Variants in ZNF213 observed in about 807,000 individuals in gnomAD.
ZNF213 encodes zinc finger protein 213.
Under a neutral mutation model 46.0 loss-of-function variants are expected in ZNF213, and 32 were observed. The observed-to-expected ratio is 0.70, with a 90% CI of 0.52 to 0.93. ZNF213 has a LOEUF of 0.93. Among genes scored for constraint, ZNF213 ranks in the 40% least tolerant of loss-of-function variants. The probability of loss-of-function intolerance (pLI) is 0.00; values close to 1 mark genes in which losing one functional copy is unlikely to be tolerated. For synonymous variants in ZNF213, 297 were observed against 271.0 expected (o/e 1.10, Z -0.94); for missense variants, 639 against 652.8 (o/e 0.98, Z 0.23).
chr16:3,137,802 G>A, intron 2 of ZNF213, 123 bp downstream of exon 2: 4 of 1,244,724 alleles, frequency 3.2e-6, no homozygotes. Context: ...GCCCCCAGGA[G>A]CAGGCACACA....
chr16:3,140,823 C>T lies in ZNF213; in HGVS notation c.856C>T (p.Pro286Ser). 1.3e-6 allele frequency: 2 copies of T among 1,592,470 alleles called. No individual in the cohort carries two copies. The highest frequency in any genetic ancestry group is 1.8e-4 in the Middle Eastern group (1 of 5,414). The change falls in exon 6 of 6, where the codon CCG becomes TCG. Residue 286 changes from proline (P) to serine (S), a missense_variant. By Grantham distance (74) the Pro-to-Ser change is moderately conservative (BLOSUM62 -1). Coordinates refer to ENST00000396878, the MANE Select transcript of ZNF213 (RefSeq NM_004220.3). ...TGAGGCCTGGGAGAGCGAGAACCGG[C>T]CGAGGGCGGCCCTGGGCCCAGTGGT... ...EAEAWESENR[P>S]RAALGPVVGA...
At position 3,141,285 on chromosome 16, in the gene ZNF213, C is replaced by A. The variant is rs973214463; in HGVS notation, c.1318C>A (p.Gln440Lys). 6.2e-7 allele frequency: 1 copy of A among 1,610,568 alleles called. No homozygotes were observed. Among genetic ancestry groups the A allele is most frequent in the Non-Finnish European group, 8.5e-7 (1 of 1,179,766 alleles). The change falls in exon 6 of 6, where the codon CAG becomes AAG. Residue 440 changes from glutamine to lysine, a missense_variant. By Grantham distance (53) the Gln-to-Lys change is moderately conservative (BLOSUM62 1). Coordinates refer to ENST00000396878, the MANE Select transcript of ZNF213 (RefSeq NM_004220.3). The stretch of plus-strand genomic sequence containing the variant: ...CGGAGAGTGCGACAAGAGCTTCAAG[C>A]AGCGCGCGCACCTCATCGCGCATCA... Reference protein sequence around the residue: ...GCGECDKSFKQRAHLIAHQSL... With the variant: ...GCGECDKSFKKRAHLIAHQSL...
chr16:3,136,447 G>A (rs1291089194), intron 1 of ZNF213, among the ~76,000 whole-genome samples: 6 of 152,226 alleles, frequency 3.9e-5, no homozygotes, highest in Admixed American at 3.9e-4. Context: ...GCCGGGCGCA[G>A]TGGCTCACGC....
rs1342185188 is a variant in ZNF213 at position 3,140,906 on chromosome 16, C to G, written c.939C>G (p.Ala313=). The change falls in exon 6 of 6, where the codon GCC becomes GCG. Residue 313 remains alanine (A), a synonymous_variant. Transcript: ENST00000396878. ...TRRRQFRDLA[A]EKPHSCGQCG... ...GGCGCCAGTTCCGGGACCTGGCAGCCGAGAAGCCGCACAGCTGCGGGCAGT... is the reference window on the plus strand; with the variant it reads ...GGCGCCAGTTCCGGGACCTGGCAGCGGAGAAGCCGCACAGCTGCGGGCAGT... 9 of 1,585,852 alleles carry G rather than the reference C, an allele frequency of 5.7e-6. No individual in the cohort carries two copies. The highest frequency in any genetic ancestry group is 6.8e-6 in the Non-Finnish European group (8 of 1,168,902).
chr16:3,137,238 GC>G lies in ZNF213; in HGVS notation c.-40del. On this transcript the variant is annotated 5_prime_UTR_variant, in exon 2 of 6. Coordinates refer to ENST00000396878, the MANE Select transcript of ZNF213 (RefSeq NM_004220.3). ...GGAGACTGAAAGTACAGGTTCTGGGGCCCAGGTTGAAGCCGACCAACCCTGA... is the reference window on the plus strand; with the variant it reads ...GGAGACTGAAAGTACAGGTTCTGGGGCCAGGTTGAAGCCGACCAACCCTGA... 1 of 1,531,260 alleles carries G rather than the reference GC, an allele frequency of 6.5e-7. No individual in the cohort carries two copies. The highest frequency in any genetic ancestry group is 8.8e-7 in the Non-Finnish European group (1 of 1,142,540). The allele number at this position is 1,531,260 out of a possible 1,614,324, so 94.9% of individuals were successfully genotyped here. A position where few individuals can be genotyped will look rare whatever the true frequency, so the allele number is the denominator to read the frequency against.
rs114806611 is a variant in ZNF213, at chr16:3,138,791, G to T, written c.570G>T (p.Thr190=). 1.2e-6 allele frequency: 2 copies of T among 1,613,894 alleles called. No individual in the cohort carries two copies. Among genetic ancestry groups the T allele is most frequent in the Non-Finnish European group, 1.7e-6 (2 of 1,179,976 alleles). ...LLKEGRPGET[T]DTCFVSGVHG... ...AAGAGGGTCGTCCCGGAGAGACGAC[G>T]GACACCTGCTTTGTCTCTGGGGTCC... The change falls in exon 4 of 6, where the codon ACG becomes ACT. Residue 190 remains threonine, a synonymous_variant. Transcript: ENST00000396878.
At chr16:3,138,019 C>T (rs764334843) in intron 2 of ZNF213, 1 of 464,248 alleles carries the variant, frequency 2.2e-6, no homozygotes, top group Non-Finnish European at 3.9e-6. Flanking sequence ...AGAGCCAGCT[C>T]CAGAGTGGGG....
intron 5 of ZNF213, 64 bp downstream of exon 5, chr16:3,139,162 G>C (rs774607707): frequency 6.3e-6 from 10 of 1,592,258 alleles, no homozygotes; most frequent in Non-Finnish European, 8.5e-6. Context: ...CTTCAGTCTT[G>C]TTTCCCACCC....
chr16:3,140,529 C>A, intron 5 of ZNF213, 160 bp from the exon 6 acceptor site: 1 of 1,110,738 alleles, frequency 9.0e-7, no homozygotes, highest in Non-Finnish European at 1.2e-6. Flanking sequence ...GGCCAATCAT[C>A]CCTGTTTTAT....
At chr16:3,138,375 G>C (rs779473994) in intron 2 of ZNF213, 43 bp from the exon 3 acceptor site, 2 of 1,610,982 alleles carry the variant, frequency 1.2e-6, no homozygotes, top group Non-Finnish European at 1.7e-6. Context: ...TGTCTCCCCC[G>C]GTCTGGTCTC....
At position 3,141,308 on chromosome 16, in the gene ZNF213, T is replaced by C; in HGVS notation, c.1341T>C (p.His447=). The C allele has an allele frequency of 6.3e-7, 1 of 1,597,480 alleles. No individual in the cohort carries two copies. Among genetic ancestry groups the C allele is most frequent in the African/African-American group, 1.3e-5 (1 of 74,828 alleles). ...AGCAGCGCGCGCACCTCATCGCGCA[T>C]CAGAGCCTGCACGCCAAGATGGCCC... is the stretch of plus-strand genomic sequence containing the variant. ...SFKQRAHLIA[H]QSLHAKMAQP... The change falls in exon 6 of 6, where the codon CAT becomes CAC. Residue 447 remains histidine (H), a synonymous_variant. Coordinates refer to ENST00000396878, the MANE Select transcript of ZNF213 (RefSeq NM_004220.3).
intron 1 of ZNF213, 199 bp downstream of exon 1, chr16:3,135,586 A>G: frequency 6.6e-6 from 1 of 152,212 alleles, no homozygotes; most frequent in Non-Finnish European, 1.5e-5. Context: ...GGAAGCTCAT[A>G]GTGCCGCTAA....
chr16:3,138,869 T>C (rs757436601), intron 4 of ZNF213, 51 bp downstream of exon 4: 5 of 1,613,810 alleles, frequency 3.1e-6, no homozygotes, highest in Non-Finnish European at 4.2e-6. Flanking sequence ...CCTGTTGAGT[T>C]TGTAAAATGG....
At chr16:3,139,381 T>G in intron 5 of ZNF213, 1 of 354,964 alleles carries the variant, frequency 2.8e-6, no homozygotes, top group Non-Finnish European at 5.2e-6. Flanking sequence ...ATTTTACGCA[T>G]AAGGGACCTG....
chr16:3,141,889 C>G lies in ZNF213; in HGVS notation c.*542C>G, dbSNP rs1957608491. The stretch of plus-strand genomic sequence containing the variant: ...GTCACGGCGGCAGGGGCTTTCTGGC[C>G]CCCTCCCACTCCCGTTTCCAGGCCA... On this transcript the variant is annotated 3_prime_UTR_variant, in exon 6 of 6. Transcript: ENST00000396878. The G allele has an allele frequency of 6.4e-6, 1 of 155,210 alleles. No individual in the cohort carries two copies. The highest frequency in any genetic ancestry group is 6.5e-5 in the Admixed American group (1 of 15,502). The allele number at this position is 155,210 out of a possible 1,614,324, so 9.6% of individuals were successfully genotyped here.
chr16:3,140,946 C>T lies in ZNF213; in HGVS notation c.979C>T (p.Arg327Cys), dbSNP rs1177272467. ...CTGCGGGCAGTGTGGAAAGCGCTTC[C>T]GCTGGGGCTCGGACCTGGCGCGGCA... ...HSCGQCGKRF[R>C]WGSDLARHQR... is the part of the protein sequence containing the mutation. The change falls in exon 6 of 6, where the codon CGC (arginine) becomes TGC (cysteine). Residue 327 changes from arginine (R) to cysteine (C), a missense_variant. Physicochemically the swap from Arg to Cys is radical, Grantham distance 180. Transcript: ENST00000396878. 3.7e-6 allele frequency: 6 copies of T among 1,601,396 alleles called. No individual in the cohort carries two copies. Among genetic ancestry groups the T allele is most frequent in the Non-Finnish European group, 5.1e-6 (6 of 1,176,784 alleles).
chr16:3,140,740 C>A lies in ZNF213; in HGVS notation c.773C>A (p.Pro258Gln). The A allele has an allele frequency of 6.5e-7, 1 of 1,539,654 alleles. No individual in the cohort carries two copies. Among genetic ancestry groups the A allele is most frequent in the Non-Finnish European group, 8.7e-7 (1 of 1,150,512 alleles). The change falls in exon 6 of 6, where the codon CCG (proline) becomes CAG (glutamine). Residue 258 changes from proline to glutamine, a missense_variant. By Grantham distance (76) the Pro-to-Gln change is moderately conservative. Transcript: ENST00000396878. ...AAGTCCCTGCTGCAGGAGATGGTGC[C>A]GGTGGTGCCAGGCCAGACAGGCAGC... ...SEKSLLQEMV[P>Q]VVPGQTGSDV... is the part of the protein sequence containing the mutation.
At position 3,141,241 on chromosome 16, in the gene ZNF213, G is replaced by T; in HGVS notation, c.1274G>T (p.Gly425Val). ...CTGGACCATCGGCGTGTGCACACCG[G>T]TGAGCGGCCCTTCGGCTGCGGAGAG... ...YLLDHRRVHT[G>V]ERPFGCGECD... The change falls in exon 6 of 6, where the codon GGT becomes GTT. Residue 425 changes from glycine to valine, a missense_variant. Gly to Val is a moderately radical substitution (Grantham distance 109). Coordinates refer to ENST00000396878, the MANE Select transcript of ZNF213 (RefSeq NM_004220.3). 6.2e-7 allele frequency: 1 copy of T among 1,612,520 alleles called. No homozygotes were observed.
Position 3,141,267 on chromosome 16 carries a change from T to C in ZNF213, c.1300T>C (p.Cys434Arg). ...TGAGCGGCCCTTCGGCTGCGGAGAG[T>C]GCGACAAGAGCTTCAAGCAGCGCGC... ...TGERPFGCGE[C>R]DKSFKQRAHL... Residue 434 changes from cysteine (C) to arginine (R), a missense_variant, in exon 6 of 6, where the codon TGC becomes CGC. By Grantham distance (180) the Cys-to-Arg change is radical (BLOSUM62 -3). Coordinates refer to ENST00000396878, the MANE Select transcript of ZNF213 (RefSeq NM_004220.3). 1 of 1,611,682 alleles carries C rather than the reference T, an allele frequency of 6.2e-7. No individual in the cohort carries two copies. Among genetic ancestry groups the C allele is most frequent in the Non-Finnish European group, 8.5e-7 (1 of 1,179,818 alleles).
Sources: allele counts gnomAD v4.1 joint callset (sites outside exome capture counted in the v4.1 genomes callset), GRCh38; gene constraint gnomAD v4.1.1; transcripts MANE v1.5; gene names NCBI Gene and HGNC (gene_info 2026-07-23, HGNC 2026-07-21).